ZC3H4: variants seen among roughly 807,000 people sequenced by gnomAD.
ZC3H4 encodes the protein zinc finger CCCH-type containing 4.
In ZC3H4, 13 loss-of-function variants were observed where a neutral mutation model predicts 108.3. That is an observed-to-expected ratio of 0.12 (90% CI 0.08 to 0.19). The LOEUF (loss-of-function observed/expected upper bound fraction) is 0.19. ZC3H4 is among the 10% of genes least tolerant of loss of function. The pLI, the probability that ZC3H4 is intolerant of heterozygous loss-of-function variation, is 1.00. For missense variants in ZC3H4, 1,734 were observed against 1,838.8 expected (o/e 0.94, Z 1.04); for synonymous variants, 917 against 749.6 (o/e 1.22, Z -3.65).
chr19:47,076,425 T>C (rs1211919684), intron 11 of ZC3H4, among the ~76,000 whole-genome samples: 1 of 152,222 alleles, frequency 6.6e-6, no homozygotes, highest in African/African-American at 2.4e-5. Flanking sequence ...AGACAGACCC[T>C]GATCCACGGT....
At chr19:47,077,361 A>C (rs1424550580) in intron 11 of ZC3H4, among the ~76,000 whole-genome samples, 1 of 149,932 alleles carries the variant, frequency 6.7e-6, no homozygotes, top group Admixed American at 6.7e-5. Flanking sequence ...CCATCTATTC[A>C]GGAGGCTGAG....
At chr19:47,075,340 C>T (rs528239258) in intron 11 of ZC3H4, among the ~76,000 whole-genome samples, 2 of 152,254 alleles carry the variant, frequency 1.3e-5, no homozygotes, top group South Asian at 4.1e-4. Flanking sequence ...CAGAGCCTTG[C>T]GCCAGCTGCT....
At chr19:47,089,713 C>CA (rs900031658) in intron 5 of ZC3H4, among the ~76,000 whole-genome samples, 1 of 150,850 alleles carries the variant, frequency 6.6e-6, no homozygotes, top group African/African-American at 2.4e-5. Context: ...TCTCCCCCCA[C>CA]AGCTGACCAG....
At chr19:47,097,010 A>G (rs1265126531) in intron 2 of ZC3H4, 2 of 985,180 alleles carry the variant, frequency 2.0e-6, no homozygotes, top group African/African-American at 1.7e-5. Flanking sequence ...ACGAAGGTAC[A>G]GGCTACTCTA....
At chr19:47,079,497 C>G (rs2057482883) in intron 11 of ZC3H4, among the ~76,000 whole-genome samples, 2 of 151,762 alleles carry the variant, frequency 1.3e-5, no homozygotes, top group Admixed American at 1.3e-4. Context: ...CAGCAGGGGG[C>G]AGTCCTCAGT....
At chr19:47,094,221 G>T in intron 3 of ZC3H4, 141 bp from the exon 4 acceptor site, 1 of 1,079,082 alleles carries the variant, frequency 9.3e-7, no homozygotes, top group Non-Finnish European at 1.4e-6. Flanking sequence ...GCACTTAGTG[G>T]CAATGAAGCA....
chr19:47,100,319 T>C (rs1195583033), intron 2 of ZC3H4, among the ~76,000 whole-genome samples: 1 of 152,166 alleles, frequency 6.6e-6, no homozygotes, highest in Non-Finnish European at 1.5e-5. Flanking sequence ...TTCAGTGTCC[T>C]TACTACCTAG....
chr19:47,102,769 C>CGAA (rs972065822), intron 2 of ZC3H4, among the ~76,000 whole-genome samples: 2 of 103,060 alleles, frequency 1.9e-5, no homozygotes, highest in African/African-American at 6.9e-5. Context: ...GGAATTCTGG[C>CGAA]AAAAAAAAAA....
In ZC3H4 at chr19:47,093,992, T is replaced by C. The variant is rs1486100005; in HGVS notation, c.470A>G (p.Glu157Gly). The C allele has an allele frequency of 6.2e-6, 10 of 1,614,156 alleles. No individual in the cohort carries two copies. Among genetic ancestry groups the C allele is most frequent in the Non-Finnish European group, 8.5e-6 (10 of 1,180,016 alleles). Residue 157 changes from glutamate (E) to glycine (G), a missense_variant, in exon 4 of 15, where the codon GAG (glutamate) becomes GGG (glycine). Coordinates refer to ENST00000253048, the MANE Select transcript of ZC3H4 (RefSeq NM_015168.2). ...CACCGGCGCATATGGGGGGCTGTAC[T>C]CTCTGTACTTGCGGTGACCTTTCTC... ...PSEKGHRKYREYSPPYAPSHQ... is the reference protein window; with the variant it reads ...PSEKGHRKYRGYSPPYAPSHQ...
At chr19:47,102,496 T>C (rs2057916192) in intron 2 of ZC3H4, among the ~76,000 whole-genome samples, 1 of 152,124 alleles carries the variant, frequency 6.6e-6, no homozygotes, top group Non-Finnish European at 1.5e-5. Flanking sequence ...TTAAACACTC[T>C]GCACCCCAGT....
chr19:47,072,001 G>C lies in ZC3H4; in HGVS notation c.1923C>G (p.His641Gln). 6.3e-7 allele frequency: 1 copy of C among 1,596,570 alleles called. No individual in the cohort carries two copies. Among genetic ancestry groups the C allele is most frequent in the Middle Eastern group, 1.7e-4 (1 of 6,028 alleles). Residue 641 changes from histidine (H) to glutamine (Q), a missense_variant, in exon 13 of 15, where the codon CAC becomes CAG. By Grantham distance (24) the His-to-Gln change is conservative. Around this residue, in one of 9 missense-constraint regions of ZC3H4, gnomAD observed 540 missense variants for 484.1 expected, o/e 1.12. Transcript: ENST00000253048. The surrounding 1 kb of genome is among the most constrained non-coding windows in gnomAD (Gnocchi z 5.6). ...DMHPDMHPDM[H>Q]PDMHADMHAD... The stretch of plus-strand genomic sequence containing the variant: ...CGTGCATGTCTGCGTGCATGTCAGG[G>C]TGCATGTCCGGGTGCATGTCGGGGT...
chr19:47,073,356 G>C (rs1046696568), intron 11 of ZC3H4, among the ~76,000 whole-genome samples: 9 of 152,074 alleles, frequency 5.9e-5, no homozygotes, highest in Admixed American at 3.3e-4. Flanking sequence ...GATCACCTGA[G>C]GTCAGGAGTT....
chr19:47,113,171 GA>G (rs1299402929), intron 1 of ZC3H4: 2 of 152,966 alleles, frequency 1.3e-5, no homozygotes, highest in African/African-American at 2.4e-5. Flanking sequence ...GGTGAGATGG[GA>G]GGGGGAACTG....
chr19:47,099,814 A>G (rs2057877713), intron 2 of ZC3H4, among the ~76,000 whole-genome samples: 1 of 148,560 alleles, frequency 6.7e-6, no homozygotes, highest in African/African-American at 2.6e-5. Context: ...CCTGGTTTAC[A>G]AGAGTTTAAA....
intron 3 of ZC3H4, 42 bp from the exon 4 acceptor site, chr19:47,094,122 C>T: frequency 6.3e-7 from 1 of 1,589,604 alleles, no homozygotes; most frequent in Non-Finnish European, 8.6e-7. Context: ...CTGCCACAGG[C>T]AGGCCACTCG....
In ZC3H4 at chr19:47,066,262, G is replaced by A. The variant is rs1027205159; in HGVS notation, c.*94C>T. The A allele has an allele frequency of 1.0e-6, 1 of 1,000,866 alleles. No homozygotes were observed. The highest frequency in any genetic ancestry group is 1.4e-6 in the Non-Finnish European group (1 of 726,270). 62.0% of individuals were successfully genotyped at this position (1,000,866 alleles called of 1,614,324 possible). A position where few individuals can be genotyped will look rare whatever the true frequency, so the allele number is the denominator to read the frequency against. Reference sequence around the variant, plus strand: ...AAAGAAAAGAAAAAAGGAACACCCAGCCTGCCTCCCCTTGCCCCCAAGTTC... The same window carrying A: ...AAAGAAAAGAAAAAAGGAACACCCAACCTGCCTCCCCTTGCCCCCAAGTTC... On this transcript the variant is annotated 3_prime_UTR_variant, in exon 15 of 15. Coordinates refer to ENST00000253048, the MANE Select transcript of ZC3H4 (RefSeq NM_015168.2).
In ZC3H4 at chr19:47,067,820, A is replaced by G. The variant is rs2057245960; in HGVS notation, c.2448T>C (p.Ser816=). The stretch of plus-strand genomic sequence containing the variant: ...TCAAGGTCTTCAGGATGGAGGTGAC[A>G]CTGCTTCCACCCTCATCCTCATCAC... The part of the protein sequence containing the change: ...YSSDEDEGGS[S]VTSILKTLRQ... The change falls in exon 15 of 15, where the codon AGT becomes AGC. Residue 816 remains serine (S), a synonymous_variant. Coordinates refer to ENST00000253048, the MANE Select transcript of ZC3H4 (RefSeq NM_015168.2). The surrounding 1 kb of genome is among the most constrained non-coding windows in gnomAD (Gnocchi z 6.4). 3 of 1,608,114 alleles carry G rather than the reference A, an allele frequency of 1.9e-6. No individual in the cohort carries two copies. Among genetic ancestry groups the G allele is most frequent in the Non-Finnish European group, 1.7e-6 (2 of 1,177,894 alleles).
rs2057191448 is a variant in ZC3H4 at position 47,066,234 on chromosome 19, GAAAA to G, written c.*118_*121del. The G allele has an allele frequency of 1.4e-6, 1 of 732,968 alleles. No individual in the cohort carries two copies. Among genetic ancestry groups the G allele is most frequent in the African/African-American group, 1.9e-5 (1 of 54,014 alleles). The allele number at this position is 732,968 out of a possible 1,614,324, so 45.4% of individuals were successfully genotyped here. A position where few individuals can be genotyped will look rare whatever the true frequency, so the allele number is the denominator to read the frequency against. Reference sequence around the variant, plus strand: ...AAAATAAAAGAGACGGAAAGCAAAAGAAAAAGAAAAGAAAAAAGGAACACCCAGC... The same window carrying G: ...AAAATAAAAGAGACGGAAAGCAAAAGAGAAAAGAAAAAAGGAACACCCAGC... On this transcript the variant is annotated 3_prime_UTR_variant, in exon 15 of 15. Transcript: ENST00000253048.
intron 1 of ZC3H4, 136 bp from the exon 2 acceptor site, chr19:47,112,725 C>T: frequency 2.1e-6 from 1 of 466,440 alleles, no homozygotes; most frequent in Non-Finnish European, 3.5e-6. Flanking sequence ...TCTGCGCTGA[C>T]CTCCGCGTAG....
Sources: allele counts gnomAD v4.1 joint callset (sites outside exome capture counted in the v4.1 genomes callset), GRCh38; gene constraint gnomAD v4.1.1; regional missense constraint gnomAD v4.1.1; non-coding constraint Gnocchi (gnomAD v3.1); transcripts MANE v1.5; gene names NCBI Gene and HGNC (gene_info 2026-07-23, HGNC 2026-07-21).